The following MECOM variants were observed in gnomAD, a reference collection of about 807,000 sequenced individuals.
MECOM encodes MDS1 and EVI1 complex locus.
Under a neutral mutation model 116.3 loss-of-function variants are expected in MECOM, and 13 were observed. That is an observed-to-expected ratio of 0.11 (90% CI 0.07 to 0.18). The LOEUF (loss-of-function observed/expected upper bound fraction) is 0.18. Ranked by LOEUF, MECOM falls within the 10% of genes least tolerant of loss-of-function variation. The probability of loss-of-function intolerance (pLI) is 1.00; values close to 1 mark genes in which losing one functional copy is unlikely to be tolerated. For synonymous variants in MECOM, 528 were observed against 535.2 expected (o/e 0.99, Z 0.19); for missense variants, 1,299 against 1,509.0 (o/e 0.86, Z 2.31).
At chr3:169,179,444 G>A (rs1307161436) in intron 2 of MECOM, among the ~76,000 whole-genome samples, 4 of 131,334 alleles carry the variant, frequency 3.0e-5, no homozygotes, top group African/African-American at 9.7e-5. Context: ...CAGCTGCTGC[G>A]GAATGTTTGC....
chr3:169,113,323 A>C (rs574305303), intron 8 of MECOM, among the ~76,000 whole-genome samples: 86 of 151,990 alleles, frequency 5.7e-4, no homozygotes, highest in Admixed American at 3.6e-3. Context: ...AATAATAGTA[A>C]GGGCATTTCC....
At chr3:169,501,306 G>A (rs1754494021) in intron 1 of MECOM, among the ~76,000 whole-genome samples, 1 of 151,874 alleles carries the variant, frequency 6.6e-6, no homozygotes, top group Non-Finnish European at 1.5e-5. Flanking sequence ...TATCTCATAT[G>A]TAGAAATTAC....
chr3:169,445,622 C>T (rs963167476), intron 1 of MECOM, among the ~76,000 whole-genome samples: 19 of 152,136 alleles, frequency 1.2e-4, no homozygotes, highest in African/African-American at 2.4e-4. Flanking sequence ...GAGTCCCTAC[C>T]GGGACACTTT....
At chr3:169,144,295 T>C (rs761003363) in intron 2 of MECOM, among the ~76,000 whole-genome samples, 12 of 152,116 alleles carry the variant, frequency 7.9e-5, no homozygotes, top group Admixed American at 5.2e-4. Context: ...CTCATTACCA[T>C]GAAACAATTA....
At chr3:169,296,267 GA>G (rs1415233939) in intron 2 of MECOM, among the ~76,000 whole-genome samples, 2 of 152,158 alleles carry the variant, frequency 1.3e-5, no homozygotes, top group Admixed American at 1.3e-4. Context: ...CAGGACATGA[GA>G]AAATCAGCAG....
intron 2 of MECOM, among the ~76,000 whole-genome samples, chr3:169,178,447 T>C (rs2149389037): frequency 6.6e-6 from 1 of 152,264 alleles, no homozygotes; most frequent in Non-Finnish European, 1.5e-5. Flanking sequence ...AGGACATTAG[T>C]TTCTCAGAGT....
chr3:169,650,603 C>T lies in MECOM; in HGVS notation c.37+12733G>A, dbSNP rs1329412967. Among the ~76,000 whole-genome samples the T allele has an allele frequency of 4.6e-5, 7 of 151,966 alleles. No individual in the cohort carries two copies. In the South Asian group the frequency reaches 6.2e-4, roughly 14 times the overall value. On this transcript the variant is annotated intron_variant, in intron 1 of 16. Transcript: ENST00000651503. ...TCACAGTGGATTTTAGAAAGATATA[C>T]CTTAGCTCTGGTTTTAGACCCTTGA...
intron 1 of MECOM, among the ~76,000 whole-genome samples, chr3:169,640,382 T>C (rs1773315575): frequency 6.6e-6 from 1 of 152,180 alleles, no homozygotes; most frequent in Non-Finnish European, 1.5e-5. Flanking sequence ...CTCCAAAACA[T>C]TGTCTGTCAC....
Position 169,545,611 on chromosome 3 carries a change from GT to G in MECOM, c.37+117724del, listed in dbSNP as rs202236881. Among the ~76,000 whole-genome samples, 8 of 152,256 alleles carry G rather than the reference GT, an allele frequency of 5.3e-5. No individual in the cohort carries two copies. In the East Asian group the frequency reaches 1.5e-3, roughly 29 times the overall value. On this transcript the variant is annotated intron_variant, in intron 1 of 16. Transcript: ENST00000651503. ...CTCCTTAGGCTCTTTCTTCTCTACA[GT>G]TTCAACCGGATATTTCAAATTCACT...
At position 169,163,139 on chromosome 3, in the gene MECOM, C is replaced by T. The variant is rs773952003; in HGVS notation, c.376-19307G>A. Among the ~76,000 whole-genome samples the T allele has an allele frequency of 6.6e-5, 10 of 152,066 alleles. No individual in the cohort carries two copies. In the South Asian group the frequency reaches 1.0e-3, roughly 16 times the overall value. ...TGTGCTGTAGTTACTTAAAAATAGG[C>T]CCCTGGATTTAACTTCTTTGTAAGT... On this transcript the variant is annotated intron_variant, in intron 2 of 16. Transcript: ENST00000651503.
In MECOM at chr3:169,116,265, G is replaced by C; in HGVS notation, c.1607C>G (p.Pro536Arg). ...SPLMTHPQIL[P>R]ATQDILKALS... ...TGCCTTCAAAATATCCTGTGTAGCTGGCAGTATCTGAGGATGTGTCATGAG... is the reference window on the plus strand; with the variant it reads ...TGCCTTCAAAATATCCTGTGTAGCTCGCAGTATCTGAGGATGTGTCATGAG... The change falls in exon 8 of 17, where the codon CCA becomes CGA. Residue 536 changes from proline to arginine, a missense_variant. Pro to Arg is a moderately radical substitution (Grantham distance 103). Transcript: ENST00000651503. The C allele has an allele frequency of 6.2e-7, 1 of 1,614,162 alleles. No individual in the cohort carries two copies. Among genetic ancestry groups the C allele is most frequent in the Non-Finnish European group, 8.5e-7 (1 of 1,180,020 alleles).
chr3:169,250,357 G>T (rs948418669), intron 2 of MECOM, among the ~76,000 whole-genome samples: 1 of 152,114 alleles, frequency 6.6e-6, no homozygotes, highest in South Asian at 2.1e-4. Context: ...TTCTTCAAAG[G>T]CATCACTTGG....
intron 2 of MECOM, among the ~76,000 whole-genome samples, chr3:169,204,060 AT>A (rs1749575857): frequency 6.6e-6 from 1 of 152,192 alleles, no homozygotes; most frequent in Admixed American, 6.6e-5. Context: ...GAGCTATCAA[AT>A]TGTTCAAAGG....
At chr3:169,597,160 G>C (rs529636861) in intron 1 of MECOM, among the ~76,000 whole-genome samples, 1 of 152,202 alleles carries the variant, frequency 6.6e-6, no homozygotes, top group Non-Finnish European at 1.5e-5. Context: ...GATACATTAA[G>C]AGATGTTCAA....
At chr3:169,229,660 C>T (rs1400246) in intron 2 of MECOM, among the ~76,000 whole-genome samples, 139,197 of 152,090 alleles carry the variant, frequency 0.92, 63,760 homozygotes, top group Middle Eastern at 0.95. Flanking sequence ...AAGCTAAGCC[C>T]AAAGTATCTG....
In MECOM at chr3:169,112,863, CTTT is replaced by C. The variant is rs1727887581; in HGVS notation, c.2498_2500del (p.Lys833del). The stretch of plus-strand genomic sequence containing the variant: ...AGCTTCAAGTGGGTCAGTTAGTTTT[CTTT>C]TCTCTACTCTGAAAGGTTAAAATTA... On this transcript the variant is annotated inframe_deletion, in exon 9 of 17. Coordinates refer to ENST00000651503, the MANE Select transcript of MECOM (RefSeq NM_004991.4). The C allele has an allele frequency of 6.2e-7, 1 of 1,611,270 alleles. No homozygotes were observed. Among genetic ancestry groups the C allele is most frequent in the Non-Finnish European group, 8.5e-7 (1 of 1,178,168 alleles).
intron 1 of MECOM, among the ~76,000 whole-genome samples, chr3:169,403,982 A>T (rs1046574264): frequency 2.0e-5 from 3 of 152,184 alleles, no homozygotes; most frequent in Non-Finnish European, 4.4e-5. Flanking sequence ...AAAATGGAAG[A>T]TAGATAAAAA....
chr3:169,654,733 C>T (rs528891314), intron 1 of MECOM, among the ~76,000 whole-genome samples: 1 of 152,114 alleles, frequency 6.6e-6, no homozygotes, highest in Non-Finnish European at 1.5e-5. Flanking sequence ...GAAAGAAAGA[C>T]ACAACATAGT....
At chr3:169,659,861 C>T (rs74650073) in intron 1 of MECOM, among the ~76,000 whole-genome samples, 1,583 of 152,098 alleles carry the variant, frequency 0.01, 46 homozygotes, top group East Asian at 0.089. Context: ...TCTACCTTTC[C>T]TACTTCAGAG....
Sources: gnomAD v4.1 joint callset for allele counts (sites outside exome capture counted in the v4.1 genomes callset) on GRCh38, gnomAD v4.1.1 for gene constraint, MANE v1.5 for transcripts, NCBI Gene and HGNC (gene_info 2026-07-23, HGNC 2026-07-21) for gene names.